Variants in FUT8 observed in about 807,000 individuals in gnomAD.
The protein encoded by FUT8 is alpha-(1,6)-fucosyltransferase.
In FUT8, 29 loss-of-function variants were observed where a neutral mutation model predicts 71.3. The observed-to-expected ratio is 0.41, with a 90% confidence interval of 0.30 to 0.55. FUT8 has a LOEUF of 0.55. Among genes scored for constraint, FUT8 ranks in the 20% least tolerant of loss-of-function variants. The pLI is 0.34. For synonymous variants in FUT8, 254 were observed against 239.3 expected (o/e 1.06, Z -0.57); for missense variants, 544 against 702.1 (o/e 0.77, Z 2.55).
At chr14:65,715,931 C>T (rs1235363615) in intron 7 of FUT8, among the ~76,000 whole-genome samples, 1 of 148,206 alleles carries the variant, frequency 6.7e-6, no homozygotes, top group Non-Finnish European at 1.5e-5. Context: ...GAGCTGAGGT[C>T]ACACCACTGC....
chr14:65,562,348 A>G (rs554645411), intron 3 of FUT8, among the ~76,000 whole-genome samples: 1 of 152,138 alleles, frequency 6.6e-6, no homozygotes, highest in African/African-American at 2.4e-5. Flanking sequence ...TAGTCTAACT[A>G]GAACTTATTA....
intron 2 of FUT8, chr14:65,457,802 G>A (rs773382071): frequency 6.6e-6 from 1 of 152,246 alleles, no homozygotes; most frequent in Non-Finnish European, 1.5e-5. Context: ...TTAACTACTA[G>A]GTTTAGGCCA....
At chr14:65,628,898 T>G (rs544109153) in intron 5 of FUT8, among the ~76,000 whole-genome samples, 2 of 152,358 alleles carry the variant, frequency 1.3e-5, no homozygotes, top group Admixed American at 6.5e-5. Flanking sequence ...CACCTATTCA[T>G]TTGCATATTA....
At chr14:65,532,953 A>C (rs995565539) in intron 2 of FUT8, among the ~76,000 whole-genome samples, 9 of 152,036 alleles carry the variant, frequency 5.9e-5, no homozygotes, top group Non-Finnish European at 1.2e-4. Context: ...GTAGATATGC[A>C]GTCTTATTTC....
At chr14:65,674,462 A>G (rs943604749) in intron 7 of FUT8, among the ~76,000 whole-genome samples, 3 of 152,222 alleles carry the variant, frequency 2.0e-5, no homozygotes, top group Non-Finnish European at 4.4e-5. Flanking sequence ...ACAACAGGAA[A>G]GTTATCCTTT....
At chr14:65,387,542 T>C in the FUT8 span, among the ~76,000 whole-genome samples, 1,091 of 152,314 alleles carry the variant, frequency 7.2e-3, 15 homozygotes, top group East Asian at 0.037. Context: ...TAATCTACCC[T>C]ACGAATTCAA....
At chr14:65,510,702 AT>A (rs1882280264) in intron 2 of FUT8, among the ~76,000 whole-genome samples, 1 of 152,014 alleles carries the variant, frequency 6.6e-6, no homozygotes, top group South Asian at 2.1e-4. Flanking sequence ...AAGTTTTCCA[AT>A]TTATTGGCAT....
chr14:65,363,224 C>T, the FUT8 span, among the ~76,000 whole-genome samples: 2 of 116,244 alleles, frequency 1.7e-5, no homozygotes, highest in African/African-American at 5.1e-5. Flanking sequence ...CGGGTTCAAG[C>T]GATTCTCATG....
chr14:65,727,675 T>C (rs542820261), intron 9 of FUT8, among the ~76,000 whole-genome samples: 2 of 152,124 alleles, frequency 1.3e-5, no homozygotes, highest in Non-Finnish European at 2.9e-5. Flanking sequence ...ATTTTCCCCA[T>C]TGTATTGGTG....
chr14:65,370,331 C>T, the FUT8 span, among the ~76,000 whole-genome samples: 10 of 150,544 alleles, frequency 6.6e-5, no homozygotes, highest in African/African-American at 1.5e-4. Context: ...CCTCAGCCTC[C>T]TGAGTAGCTG....
intron 5 of FUT8, among the ~76,000 whole-genome samples, chr14:65,623,342 A>G (rs1889726465): frequency 6.6e-6 from 1 of 152,278 alleles, no homozygotes; most frequent in Admixed American, 6.5e-5. Context: ...AGCAGAAAAT[A>G]TAAGGAACAT....
chr14:65,647,892 G>T (rs772821452), intron 6 of FUT8, among the ~76,000 whole-genome samples: 1 of 151,394 alleles, frequency 6.6e-6, no homozygotes, highest in Non-Finnish European at 1.5e-5. Flanking sequence ...AAAAAAAAAA[G>T]AAGTCTCAGA....
At chr14:65,461,495 T>G (rs1168589540) in intron 2 of FUT8, among the ~76,000 whole-genome samples, 5 of 152,192 alleles carry the variant, frequency 3.3e-5, no homozygotes, top group Admixed American at 3.3e-4. Flanking sequence ...GCTCTCAGTG[T>G]CCATGAAACT....
chr14:65,374,387 T>G, the FUT8 span, among the ~76,000 whole-genome samples: 2 of 152,172 alleles, frequency 1.3e-5, no homozygotes, highest in African/African-American at 4.8e-5. Context: ...TGGATAAACA[T>G]GGATTTTTCT....
chr14:65,361,267 C>G, the FUT8 span, among the ~76,000 whole-genome samples: 128 of 144,478 alleles, frequency 8.9e-4, 3 homozygotes, highest in African/African-American at 3.3e-3. Flanking sequence ...GAGGCAAGAG[C>G]ATTGCTTGAA....
intron 7 of FUT8, among the ~76,000 whole-genome samples, chr14:65,713,771 C>T (rs1594927684): frequency 2.0e-5 from 3 of 152,222 alleles, no homozygotes; most frequent in East Asian, 3.9e-4. Flanking sequence ...TTTATATTCT[C>T]GTTATTTATC....
intron 3 of FUT8, among the ~76,000 whole-genome samples, chr14:65,570,676 C>T (rs1886420148): frequency 6.6e-6 from 1 of 151,910 alleles, no homozygotes; most frequent in Non-Finnish European, 1.5e-5. Context: ...CCCTTTTAAC[C>T]TTCTATTGTA....
At chr14:65,473,255 A>G (rs1411205288) in intron 2 of FUT8, among the ~76,000 whole-genome samples, 5 of 152,070 alleles carry the variant, frequency 3.3e-5, no homozygotes, top group Admixed American at 6.5e-5. Context: ...TATTGCTGTA[A>G]TATCTTTGTA....
chr14:65,596,155 G>A (rs940200425), intron 3 of FUT8, among the ~76,000 whole-genome samples: 1 of 152,086 alleles, frequency 6.6e-6, no homozygotes, highest in African/African-American at 2.4e-5. Flanking sequence ...GCTCTGTGGG[G>A]TTTTTTTACC....
Sources: gnomAD v4.1 joint callset for allele counts (sites outside exome capture counted in the v4.1 genomes callset) on GRCh38, gnomAD v4.1.1 for gene constraint, MANE v1.5 for transcripts, NCBI Gene and HGNC (gene_info 2026-07-23, HGNC 2026-07-21) for gene names.